NRXN3: variants seen among roughly 807,000 people sequenced by gnomAD.
The protein encoded by NRXN3 is neurexin 3, also known as neurexin III.
A neutral mutation model predicts 137.6 loss-of-function variants in NRXN3; 32 were observed. The ratio of observed to expected loss-of-function variants is 0.23; its 90% CI spans 0.18 to 0.31. NRXN3 has a LOEUF of 0.31. Among genes scored for constraint, NRXN3 ranks in the 10% least tolerant of loss-of-function variants. The pLI, the probability that NRXN3 is intolerant of heterozygous loss-of-function variation, is 1.00. For missense variants in NRXN3, 1,574 were observed against 2,062.5 expected (o/e 0.76, Z 4.59); for synonymous variants, 798 against 784.5 (o/e 1.02, Z -0.29).
chr14:79,160,199 C>T (rs1234614571), intron 15 of NRXN3, among the ~76,000 whole-genome samples: 1 of 151,770 alleles, frequency 6.6e-6, no homozygotes. Flanking sequence ...TTTTGAAGCC[C>T]AGAACTTTAA....
In NRXN3 at chr14:79,296,289, A is replaced by G. The variant is rs184448148; in HGVS notation, c.3263-170932A>G. ...TAATGCACGTTGTAGTGTGACAAAC[A>G]TCATGAGATAAGTAGAAACTACCGT... On this transcript the variant is annotated intron_variant, in intron 15 of 20. Coordinates refer to ENST00000335750, the MANE Select transcript of NRXN3 (RefSeq NM_001330195.2). 7.2e-4 allele frequency among the ~76,000 whole-genome samples: 109 copies of G among 152,276 alleles called. 1 individual carries two copies. Among genetic ancestry groups the G allele is most frequent in the Non-Finnish European group, 8.8e-5 (6 of 68,018 alleles).
Position 78,243,490 on chromosome 14 carries a change from G to A in NRXN3, c.397G>A (p.Glu133Lys), listed in dbSNP as rs2067272888. 3 of 1,590,500 alleles carry A rather than the reference G, an allele frequency of 1.9e-6. No homozygotes were observed. The highest frequency in any genetic ancestry group is 2.6e-6 in the Non-Finnish European group (3 of 1,176,094). ...LMLDGEGQSGELQPQRPYMDV... is the reference protein window; with the variant it reads ...LMLDGEGQSGKLQPQRPYMDV... Reference sequence around the variant, plus strand: ...GCTTGATGGCGAGGGCCAGTCTGGGGAGCTGCAGCCCCAGCGGCCCTACAT... The same window carrying A: ...GCTTGATGGCGAGGGCCAGTCTGGGAAGCTGCAGCCCCAGCGGCCCTACAT... The change falls in exon 2 of 21, where the codon GAG (glutamate) becomes AAG (lysine). Residue 133 changes from glutamate to lysine, a missense_variant. This residue lies in a region of NRXN3 where 400 missense variants were observed against 527.3 expected (regional missense o/e 0.76). Coordinates refer to ENST00000335750, the MANE Select transcript of NRXN3 (RefSeq NM_001330195.2). The surrounding 1 kb of genome is among the most constrained non-coding windows in gnomAD (Gnocchi z 4.2).
chr14:78,947,713 G>A (rs910432156), intron 10 of NRXN3, among the ~76,000 whole-genome samples: 1 of 152,160 alleles, frequency 6.6e-6, no homozygotes, highest in African/African-American at 2.4e-5. Flanking sequence ...TCAGTTTTTG[G>A]TAATTTACAA....
intron 4 of NRXN3, among the ~76,000 whole-genome samples, chr14:78,412,202 A>G (rs1399069609): frequency 6.6e-6 from 1 of 152,200 alleles, no homozygotes; most frequent in African/African-American, 2.4e-5. Context: ...CTATGTGACT[A>G]AGTCTGGCCA....
chr14:78,309,824 T>C (rs1308077563), intron 4 of NRXN3, among the ~76,000 whole-genome samples: 1 of 152,168 alleles, frequency 6.6e-6, no homozygotes, highest in Non-Finnish European at 1.5e-5. Flanking sequence ...GCTAATATTA[T>C]AAGGCTTAAT....
At chr14:78,437,500 C>T (rs1478851947) in intron 4 of NRXN3, among the ~76,000 whole-genome samples, 1 of 152,112 alleles carries the variant, frequency 6.6e-6, no homozygotes, top group Non-Finnish European at 1.5e-5. Context: ...AGGCATGCGC[C>T]ATGATGCCCG....
At position 79,782,223 on chromosome 14, in the gene NRXN3, T is replaced by C. The variant is rs370929427; in HGVS notation, c.4015-22889T>C. Among the ~76,000 whole-genome samples the C allele has an allele frequency of 9.2e-5, 14 of 152,312 alleles. No homozygotes were observed. In the East Asian group the frequency reaches 2.1e-3, roughly 23 times the overall value. ...TGACTAATATTTAGAAGAATTGAAA[T>C]ACCCCTCTCTCTCCTCTGTGGTATG... is the stretch of plus-strand genomic sequence containing the variant. On this transcript the variant is annotated intron_variant, in intron 19 of 20. Coordinates refer to ENST00000335750, the MANE Select transcript of NRXN3 (RefSeq NM_001330195.2).
chr14:79,717,716 GCC>G (rs1388068751), intron 19 of NRXN3, among the ~76,000 whole-genome samples: 1 of 152,140 alleles, frequency 6.6e-6, no homozygotes. Flanking sequence ...CTACTATAGT[GCC>G]CTTTCTTATC....
intron 4 of NRXN3, among the ~76,000 whole-genome samples, chr14:78,632,406 C>A (rs2097530300): frequency 6.6e-6 from 1 of 151,638 alleles, no homozygotes; most frequent in Non-Finnish European, 1.5e-5. Context: ...GCTATGCAAA[C>A]GTGTATTTTT....
chr14:78,263,550 C>A (rs1335991950), intron 2 of NRXN3, among the ~76,000 whole-genome samples: 1 of 152,046 alleles, frequency 6.6e-6, no homozygotes, highest in South Asian at 2.1e-4. Flanking sequence ...ATTTTTTCTT[C>A]AGCACAGTTA....
intron 4 of NRXN3, among the ~76,000 whole-genome samples, chr14:78,546,993 G>C (rs2096641940): frequency 6.6e-6 from 1 of 151,976 alleles, no homozygotes; most frequent in South Asian, 2.1e-4. Context: ...GTTAGGCCAG[G>C]ACTATTTATG....
At chr14:78,850,131 T>C (rs1375004140) in intron 10 of NRXN3, among the ~76,000 whole-genome samples, 1 of 151,856 alleles carries the variant, frequency 6.6e-6, no homozygotes, top group African/African-American at 2.4e-5. Context: ...CTGCCACTAA[T>C]ACCTGAGAGA....
intron 17 of NRXN3, among the ~76,000 whole-genome samples, chr14:79,671,045 C>T (rs2098604911): frequency 1.3e-5 from 2 of 152,156 alleles, no homozygotes; most frequent in South Asian, 4.1e-4. Flanking sequence ...GTCTCTCAGC[C>T]AAACTCACCC....
intron 15 of NRXN3, among the ~76,000 whole-genome samples, chr14:79,167,382 C>A (rs919007303): frequency 1.3e-5 from 2 of 151,872 alleles, no homozygotes; most frequent in African/African-American, 4.8e-5. Flanking sequence ...TTCTTCAGGG[C>A]TCCCCTTATA....
At chr14:78,268,264 C>T (rs189835580) in intron 2 of NRXN3, among the ~76,000 whole-genome samples, 2 of 151,226 alleles carry the variant, frequency 1.3e-5, no homozygotes, top group East Asian at 1.9e-4. Context: ...ACTGGACCAC[C>T]GTTTTGTTTT....
At chr14:79,721,418 G>A (rs928983010) in intron 19 of NRXN3, among the ~76,000 whole-genome samples, 2 of 152,180 alleles carry the variant, frequency 1.3e-5, no homozygotes, top group African/African-American at 4.8e-5. Context: ...AAAATCCCAA[G>A]TATTACAAAG....
intron 19 of NRXN3, among the ~76,000 whole-genome samples, chr14:79,764,388 G>A (rs2139528837): frequency 6.6e-6 from 1 of 152,250 alleles, no homozygotes; most frequent in East Asian, 1.9e-4. Context: ...ATATGAAAAG[G>A]GAAGAGTATT....
chr14:79,214,651 G>A (rs967388448), intron 15 of NRXN3, among the ~76,000 whole-genome samples: 1 of 152,140 alleles, frequency 6.6e-6, no homozygotes, highest in Non-Finnish European at 1.5e-5. Context: ...TGCTAAATCT[G>A]GATGTGGATC....
chr14:78,451,669 T>A (rs1224699551), intron 4 of NRXN3, among the ~76,000 whole-genome samples: 2 of 152,250 alleles, frequency 1.3e-5, no homozygotes, highest in Non-Finnish European at 2.9e-5. Context: ...CAGATGGGAC[T>A]TAATGCTGTC....
Sources: gnomAD v4.1 joint callset for allele counts (sites outside exome capture counted in the v4.1 genomes callset) on GRCh38, gnomAD v4.1.1 for gene constraint, gnomAD v4.1.1 regional missense constraint, Gnocchi (gnomAD v3.1) non-coding constraint, MANE v1.5 for transcripts, NCBI Gene and HGNC (gene_info 2026-07-23, HGNC 2026-07-21) for gene names.